The following NT5DC1 variants were observed in gnomAD, a reference collection of about 807,000 sequenced individuals.
NT5DC1 encodes the protein 5'-nucleotidase domain containing 1, also known as 5'-nucleotidase domain-containing protein 1.
In NT5DC1, 42 loss-of-function variants were observed where a neutral mutation model predicts 59.4. That is an observed-to-expected ratio of 0.71 (90% confidence interval 0.55 to 0.92). The LOEUF is 0.92. NT5DC1 is among the 40% of genes least tolerant of loss of function. The pLI, the probability that NT5DC1 is intolerant of heterozygous loss-of-function variation, is 0.00. For missense variants in NT5DC1, 501 were observed against 537.1 expected (o/e 0.93, Z 0.66); for synonymous variants, 172 against 188.1 (o/e 0.91, Z 0.70).
chr6:116,170,129 A>C (rs1780570564), intron 6 of NT5DC1, among the ~76,000 whole-genome samples: 1 of 152,108 alleles, frequency 6.6e-6, no homozygotes, highest in African/African-American at 2.4e-5. Flanking sequence ...GAAATTAGGA[A>C]GTGGATATGG....
chr6:116,172,317 C>CTTTT lies in NT5DC1; in HGVS notation c.530-48718_530-48715dup, dbSNP rs71554843. ...TCATTTTAGTATAACCCCTTAGTAA[C>CTTTT]TTTTTTTTTTTTTTTTTTTTTTGAG... On this transcript the variant is annotated intron_variant, in intron 6 of 11. Transcript: ENST00000319550. Among the ~76,000 whole-genome samples, 19 of 108,022 alleles carry CTTTT rather than the reference C, an allele frequency of 1.8e-4. 1 individual carries two copies. The highest frequency in any genetic ancestry group is 3.1e-4 in the South Asian group (1 of 3,244). 70.9% of individuals were successfully genotyped at this position (108,022 alleles called of 152,430 possible). A position where few individuals can be genotyped will look rare whatever the true frequency, so the allele number is the denominator to read the frequency against.
rs1347090165 is a variant in NT5DC1, at chr6:116,139,637, A to T, written c.529+21692A>T. On this transcript the variant is annotated intron_variant, in intron 6 of 11. Coordinates refer to ENST00000319550, the MANE Select transcript of NT5DC1 (RefSeq NM_152729.3). ...TTTTAAAATTTGGTTGTTTTACTTT[A>T]TGGCACTTTACGATCTAGTTTTTTG... Among the ~76,000 whole-genome samples, 5 of 152,274 alleles carry T rather than the reference A, an allele frequency of 3.3e-5. No individual in the cohort carries two copies. The East Asian group carries it at 9.6e-4, about 29-fold the overall frequency.
Position 116,244,167 on chromosome 6 carries a change from AATC to A in NT5DC1, c.*147_*149del. On this transcript the variant is annotated 3_prime_UTR_variant, in exon 12 of 12. Coordinates refer to ENST00000319550, the MANE Select transcript of NT5DC1 (RefSeq NM_152729.3). ...TTTGTCCATAGGTCTCCTTTCTATA[AATC>A]ATCTTGATGTTTAACAACTCTTATT... 2.1e-6 allele frequency: 1 copy of A among 468,142 alleles called. No individual in the cohort carries two copies. The allele number at this position is 468,142 out of a possible 1,614,324, so 29.0% of individuals were successfully genotyped here.
chr6:116,153,481 A>G (rs1040283148), intron 6 of NT5DC1, among the ~76,000 whole-genome samples: 2 of 152,170 alleles, frequency 1.3e-5, no homozygotes, highest in Non-Finnish European at 2.9e-5. Flanking sequence ...AGAAGATAAT[A>G]TGCCATTTAT....
At chr6:116,220,606 C>T (rs1379763425) in intron 6 of NT5DC1, among the ~76,000 whole-genome samples, 1 of 152,186 alleles carries the variant, frequency 6.6e-6, no homozygotes, top group Admixed American at 6.5e-5. Flanking sequence ...AGGAACTCAT[C>T]GCCCTTCTTG....
rs559780156 is a variant in NT5DC1 at position 116,243,245 on chromosome 6, A to T, written c.1253-664A>T. Among the ~76,000 whole-genome samples, 6 of 152,328 alleles carry T rather than the reference A, an allele frequency of 3.9e-5. No individual in the cohort carries two copies. The East Asian group carries it at 1.2e-3, about 29-fold the overall frequency. ...CCCTCATCCTGTGACTATGAAGAAG[A>T]TTATTAGGTCTCATTCACCAGTTTT... is the stretch of plus-strand genomic sequence containing the variant. On this transcript the variant is annotated intron_variant, in intron 11 of 11. Transcript: ENST00000319550.
chr6:116,214,844 T>C (rs1277347751), intron 6 of NT5DC1, among the ~76,000 whole-genome samples: 1 of 151,982 alleles, frequency 6.6e-6, no homozygotes, highest in Non-Finnish European at 1.5e-5. Context: ...GTTATCTGGC[T>C]GGACATCACC....
chr6:116,194,107 A>G (rs371540003), intron 6 of NT5DC1, among the ~76,000 whole-genome samples: 2 of 151,930 alleles, frequency 1.3e-5, no homozygotes, highest in Non-Finnish European at 1.5e-5. Context: ...GCAATTAGGA[A>G]CTCCAGGTAA....
chr6:116,105,457 A>G (rs1355016539), intron 1 of NT5DC1, among the ~76,000 whole-genome samples: 3 of 152,186 alleles, frequency 2.0e-5, no homozygotes, highest in African/African-American at 4.8e-5. Flanking sequence ...GACTCAGACA[A>G]CTGTTCTGCT....
chr6:116,247,955 G>T lies in NT5DC1; in HGVS notation c.*3931G>T, dbSNP rs775836869. On this transcript the variant is annotated 3_prime_UTR_variant, in exon 12 of 12. Transcript: ENST00000319550. Reference sequence around the variant, plus strand: ...AACAAACTGATAATTTCATTCATGTGCAGCAAACATCAAGGTTACATAAGT... The same window carrying T: ...AACAAACTGATAATTTCATTCATGTTCAGCAAACATCAAGGTTACATAAGT... 1.3e-5 allele frequency: 2 copies of T among 152,182 alleles called. No individual in the cohort carries two copies. The highest frequency in any genetic ancestry group is 2.9e-5 in the Non-Finnish European group (2 of 68,026). 9.4% of individuals were successfully genotyped at this position (152,182 alleles called of 1,614,324 possible).
At chr6:116,196,851 G>A (rs894205803) in intron 6 of NT5DC1, among the ~76,000 whole-genome samples, 8 of 151,670 alleles carry the variant, frequency 5.3e-5, no homozygotes, top group Non-Finnish European at 8.8e-5. Flanking sequence ...GCCAGGCACC[G>A]TTCTTCATTA....
At chr6:116,106,166 T>G in intron 1 of NT5DC1, 78 bp from the exon 2 acceptor site, 3 of 792,468 alleles carry the variant, frequency 3.8e-6, no homozygotes, top group Non-Finnish European at 4.6e-6. Flanking sequence ...AGCAATTCCA[T>G]TAGGGTTTTA....
chr6:116,107,306 A>G (rs555413781), intron 2 of NT5DC1, among the ~76,000 whole-genome samples: 1 of 150,790 alleles, frequency 6.6e-6, no homozygotes, highest in South Asian at 2.1e-4. Context: ...AAACAGTAAC[A>G]TGTTACTATA....
At position 116,178,103 on chromosome 6, in the gene NT5DC1, G is replaced by C. The variant is rs879401079; in HGVS notation, c.530-42951G>C. 3.2e-5 allele frequency among the ~76,000 whole-genome samples: 3 copies of C among 95,146 alleles called. No individual in the cohort carries two copies. The East Asian group carries it at 6.6e-4, about 21-fold the overall frequency. The allele number at this position is 95,146 out of a possible 152,430, so 62.4% of individuals were successfully genotyped here. On this transcript the variant is annotated intron_variant, in intron 6 of 11. Transcript: ENST00000319550. The stretch of plus-strand genomic sequence containing the variant: ...TGTGTGTGTGTGCGCGCGCGCGCGC[G>C]TGCGTGCGTGTGTGTGTGTGTGTGT...
intron 6 of NT5DC1, chr6:116,120,696 G>C (rs886060991): frequency 1.3e-6 from 2 of 1,553,230 alleles, no homozygotes; most frequent in Non-Finnish European, 1.7e-6. Flanking sequence ...GGGCCAGGAG[G>C]ACCGGGACTT....
intron 3 of NT5DC1, among the ~76,000 whole-genome samples, chr6:116,109,847 T>C (rs1329641622): frequency 1.3e-5 from 2 of 152,214 alleles, no homozygotes; most frequent in African/African-American, 4.8e-5. Context: ...ATCATTATAA[T>C]TTCTCATAAT....
chr6:116,201,265 T>C (rs1194886189), intron 6 of NT5DC1, among the ~76,000 whole-genome samples: 1 of 152,098 alleles, frequency 6.6e-6, no homozygotes, highest in Non-Finnish European at 1.5e-5. Context: ...CCTTTTTGGC[T>C]GTAGCCATTA....
rs371445096 is a variant in NT5DC1 at position 116,178,306 on chromosome 6, T to A, written c.530-42748T>A. ...CTTCGCTTCTGAGATCAGGTGACAT[T>A]GGGCGCATTCAGGGTGGTATGGCCA... is the stretch of plus-strand genomic sequence containing the variant. On this transcript the variant is annotated intron_variant, in intron 6 of 11. Coordinates refer to ENST00000319550, the MANE Select transcript of NT5DC1 (RefSeq NM_152729.3). Among the ~76,000 whole-genome samples the A allele has an allele frequency of 3.9e-5, 6 of 152,266 alleles. No homozygotes were observed. In the East Asian group the frequency reaches 7.7e-4, roughly 20 times the overall value.
At position 116,154,906 on chromosome 6, in the gene NT5DC1, A is replaced by G. The variant is rs1035555520; in HGVS notation, c.529+36961A>G. 3.9e-5 allele frequency among the ~76,000 whole-genome samples: 6 copies of G among 152,320 alleles called. No individual in the cohort carries two copies. In the East Asian group the frequency reaches 1.2e-3, roughly 29 times the overall value. Reference sequence around the variant, plus strand: ...TTAATATCATTTTTCTTCATAAGATAAAAATAAAAAACATCATTTAGGAGT... The same window carrying G: ...TTAATATCATTTTTCTTCATAAGATGAAAATAAAAAACATCATTTAGGAGT... On this transcript the variant is annotated intron_variant, in intron 6 of 11. Transcript: ENST00000319550.
Sources: allele counts gnomAD v4.1 joint callset (sites outside exome capture counted in the v4.1 genomes callset), GRCh38; gene constraint gnomAD v4.1.1; transcripts MANE v1.5; gene names NCBI Gene and HGNC (gene_info 2026-07-23, HGNC 2026-07-21).